Variants in DCC observed in about 807,000 individuals in gnomAD.
The protein encoded by DCC is netrin receptor DCC.
In DCC, 58 loss-of-function variants were observed where a neutral mutation model predicts 172.5. That is an observed-to-expected ratio of 0.34 (90% CI 0.27 to 0.42). The LOEUF (loss-of-function observed/expected upper bound fraction) is 0.42. Ranked by LOEUF, DCC falls within the 10% of genes least tolerant of loss-of-function variation. The probability of loss-of-function intolerance (pLI) is 1.00; values close to 1 mark genes in which losing one functional copy is unlikely to be tolerated. For synonymous variants in DCC, 709 were observed against 644.5 expected, an observed-to-expected ratio of 1.10 and a Z score of -1.52; for missense variants, 1,740 against 1,791.0, an observed-to-expected ratio of 0.97 and a Z score of 0.51.
chr18:52,805,893 C>G (rs1368515685), intron 2 of DCC, among the ~76,000 whole-genome samples: 1 of 152,166 alleles, frequency 6.6e-6, no homozygotes, highest in Non-Finnish European at 1.5e-5. Flanking sequence ...TTGAAATATC[C>G]TCTTTTTATT....
At chr18:52,770,804 A>G (rs747656637) in intron 2 of DCC, among the ~76,000 whole-genome samples, 1 of 151,610 alleles carries the variant, frequency 6.6e-6, no homozygotes, top group Non-Finnish European at 1.5e-5. Context: ...TTGGACTTAG[A>G]AAAGATAAAA....
At chr18:52,814,352 G>A (rs11872106) in intron 2 of DCC, among the ~76,000 whole-genome samples, 11,933 of 152,234 alleles carry the variant, frequency 0.078, 1,520 homozygotes, top group African/African-American at 0.27. Context: ...CCCATGACAA[G>A]TTTCCATCTT....
intron 25 of DCC, among the ~76,000 whole-genome samples, chr18:53,484,216 T>G (rs568864846): frequency 1.4e-3 from 207 of 152,104 alleles, no homozygotes; most frequent in Non-Finnish European, 2.7e-3. Context: ...AGAAACCACC[T>G]GACTTGCAGA....
chr18:52,419,771 A>C (rs1987182695), intron 1 of DCC: 1 of 152,088 alleles, frequency 6.6e-6, no homozygotes, highest in African/African-American at 2.4e-5. Flanking sequence ...CCACCTCCTT[A>C]ATTTCTTATT....
chr18:53,299,696 T>A (rs551660301), intron 12 of DCC, among the ~76,000 whole-genome samples: 1 of 152,242 alleles, frequency 6.6e-6, no homozygotes, highest in African/African-American at 2.4e-5. Flanking sequence ...AGTTGATACA[T>A]GTTGAATGAG....
chr18:52,353,549 A>G (rs1254350686), intron 1 of DCC, among the ~76,000 whole-genome samples: 1 of 152,202 alleles, frequency 6.6e-6, no homozygotes, highest in Non-Finnish European at 1.5e-5. Context: ...TCTTCAGGGC[A>G]TGAAACAGAC....
chr18:53,349,178 A>T (rs777423002), intron 15 of DCC, among the ~76,000 whole-genome samples: 1 of 152,158 alleles, frequency 6.6e-6, no homozygotes, highest in Non-Finnish European at 1.5e-5. Flanking sequence ...AGATACCCCA[A>T]ATCATCTCCC....
chr18:52,794,556 C>CT lies in DCC; in HGVS notation c.412+42183dup, dbSNP rs200954668. ...TTTTTGGTGGAGTCTTTAGGTTTTT[C>CT]TATACATAAGATAATGTTGTCTGCA... is the stretch of plus-strand genomic sequence containing the variant. On this transcript the variant is annotated intron_variant, in intron 2 of 28. Coordinates refer to ENST00000442544, the MANE Select transcript of DCC (RefSeq NM_005215.4). Among the ~76,000 whole-genome samples the CT allele has an allele frequency of 6.2e-3, 946 of 151,910 alleles. 6 individuals carry two copies. The highest frequency in any genetic ancestry group is 0.021 in the African/African-American group (870 of 41,502).
intron 5 of DCC, among the ~76,000 whole-genome samples, chr18:52,942,567 G>T (rs1324120767): frequency 1.3e-5 from 2 of 152,156 alleles, no homozygotes; most frequent in Non-Finnish European, 1.5e-5. Flanking sequence ...TCAGAATCAT[G>T]GTGGGGCAAA....
At chr18:52,498,693 C>T (rs1436916209) in intron 1 of DCC, among the ~76,000 whole-genome samples, 2 of 151,822 alleles carry the variant, frequency 1.3e-5, no homozygotes, top group African/African-American at 4.8e-5. Context: ...GTTTTAGAGA[C>T]CAGTAAGTCT....
At chr18:52,367,956 G>A (rs894525022) in intron 1 of DCC, among the ~76,000 whole-genome samples, 1 of 152,176 alleles carries the variant, frequency 6.6e-6, no homozygotes, top group Non-Finnish European at 1.5e-5. Context: ...GTTTGGAGGG[G>A]TTGTTCCAGT....
chr18:53,204,424 G>A (rs2144547502), intron 9 of DCC, among the ~76,000 whole-genome samples: 1 of 152,094 alleles, frequency 6.6e-6, no homozygotes, highest in Admixed American at 6.6e-5. Flanking sequence ...GTGCATGCTT[G>A]TAGTCCTACC....
intron 9 of DCC, among the ~76,000 whole-genome samples, chr18:53,192,583 A>C (rs1210471191): frequency 6.6e-6 from 1 of 152,214 alleles, no homozygotes; most frequent in African/African-American, 2.4e-5. Context: ...ACTATCAATC[A>C]ATAGAAAAAG....
intron 5 of DCC, among the ~76,000 whole-genome samples, chr18:53,049,219 G>T (rs906473968): frequency 6.6e-6 from 1 of 151,810 alleles, no homozygotes; most frequent in Non-Finnish European, 1.5e-5. Flanking sequence ...TGTTTCTATT[G>T]CAATTGTTTT....
chr18:53,165,826 T>C (rs2054910885), intron 8 of DCC, among the ~76,000 whole-genome samples: 2 of 152,210 alleles, frequency 1.3e-5, no homozygotes, highest in Admixed American at 1.3e-4. Flanking sequence ...AAGGTTCGTC[T>C]TACTGATGAA....
At chr18:52,612,978 A>G (rs1253975081) in intron 1 of DCC, among the ~76,000 whole-genome samples, 2 of 152,162 alleles carry the variant, frequency 1.3e-5, no homozygotes, top group Non-Finnish European at 2.9e-5. Context: ...TGTTGCTACT[A>G]CAAATAAGTC....
intron 1 of DCC, among the ~76,000 whole-genome samples, chr18:52,703,731 T>C (rs966378316): frequency 1.7e-5 from 2 of 119,534 alleles, no homozygotes; most frequent in Middle Eastern, 4.0e-3. Context: ...TGCAAAGAAT[T>C]TTTTTTTTTG....
At chr18:52,905,909 A>T in intron 2 of DCC, 135 bp from the exon 3 acceptor site, 1 of 724,964 alleles carries the variant, frequency 1.4e-6, no homozygotes, top group East Asian at 2.7e-5. Context: ...AAGTGTGAAG[A>T]GCAAATGAGA....
intron 7 of DCC, among the ~76,000 whole-genome samples, chr18:53,072,718 T>A (rs2042672241): frequency 6.6e-6 from 1 of 152,210 alleles, no homozygotes; most frequent in Non-Finnish European, 1.5e-5. Flanking sequence ...ATAAATGCTA[T>A]TATAGATATT....
Sources: gnomAD v4.1 joint callset for allele counts (sites outside exome capture counted in the v4.1 genomes callset) on GRCh38, gnomAD v4.1.1 for gene constraint, MANE v1.5 for transcripts, NCBI Gene and HGNC (gene_info 2026-07-23, HGNC 2026-07-21) for gene names.